The following GRID2 variants were observed in gnomAD, a reference collection of about 807,000 sequenced individuals.
GRID2 encodes glutamate receptor ionotropic, delta-2.
A neutral mutation model predicts 114.8 loss-of-function variants in GRID2; 33 were observed. That is an observed-to-expected ratio of 0.29 (90% confidence interval 0.22 to 0.38). GRID2 has a LOEUF of 0.38. Ranked by LOEUF, GRID2 falls within the 10% of genes least tolerant of loss-of-function variation. GRID2 has a pLI of 1.00. For missense variants in GRID2, 1,184 were observed against 1,257.7 expected (o/e 0.94, Z 0.89); for synonymous variants, 505 against 449.9 (o/e 1.12, Z -1.55).
intron 14 of GRID2, among the ~76,000 whole-genome samples, chr4:93,693,839 C>T (rs570984323): frequency 6.6e-6 from 1 of 152,238 alleles, no homozygotes; most frequent in Admixed American, 6.5e-5. Flanking sequence ...TAATTATTTA[C>T]TGTAAAGCAA....
chr4:92,947,349 G>A (rs982484392), intron 2 of GRID2, among the ~76,000 whole-genome samples: 1 of 151,946 alleles, frequency 6.6e-6, no homozygotes, highest in Non-Finnish European at 1.5e-5. Context: ...TTTATTAAAT[G>A]TGCTATGTTT....
At chr4:92,883,876 G>A (rs1174572667) in intron 2 of GRID2, among the ~76,000 whole-genome samples, 1 of 152,150 alleles carries the variant, frequency 6.6e-6, no homozygotes. Context: ...TAAATTTACT[G>A]GATCCAGGAT....
chr4:93,459,581 C>T (rs1231599634), intron 11 of GRID2, among the ~76,000 whole-genome samples: 1 of 152,074 alleles, frequency 6.6e-6, no homozygotes, highest in African/African-American at 2.4e-5. Context: ...AGGTGACATA[C>T]CTAGATATAA....
At chr4:92,432,244 T>G (rs1732497138) in intron 1 of GRID2, among the ~76,000 whole-genome samples, 1 of 152,154 alleles carries the variant, frequency 6.6e-6, no homozygotes, top group Admixed American at 6.6e-5. Flanking sequence ...GACCACTGCC[T>G]GGCTACTACT....
At chr4:93,702,260 A>C (rs10516941) in intron 14 of GRID2, among the ~76,000 whole-genome samples, 6,404 of 152,222 alleles carry the variant, frequency 0.042, 218 homozygotes, top group African/African-American at 0.084. Context: ...ATTCTGCATT[A>C]AGTCCTTCTG....
intron 2 of GRID2, among the ~76,000 whole-genome samples, chr4:92,948,060 A>G (rs926035628): frequency 6.6e-6 from 1 of 151,884 alleles, no homozygotes; most frequent in African/African-American, 2.4e-5. Flanking sequence ...TAAGAGGGAA[A>G]TTGCCAAGTT....
intron 8 of GRID2, among the ~76,000 whole-genome samples, chr4:93,324,906 G>A (rs1449424389): frequency 6.6e-6 from 1 of 151,920 alleles, no homozygotes; most frequent in Non-Finnish European, 1.5e-5. Context: ...TTTTTATTGT[G>A]TCTATTTGAT....
chr4:92,371,480 T>C (rs2110219097), intron 1 of GRID2, among the ~76,000 whole-genome samples: 1 of 152,242 alleles, frequency 6.6e-6, no homozygotes, highest in African/African-American at 2.4e-5. Flanking sequence ...TTAAGAATTA[T>C]GGTAAAATCT....
chr4:93,109,474 C>G (rs1732567116), intron 3 of GRID2, among the ~76,000 whole-genome samples: 1 of 152,090 alleles, frequency 6.6e-6, no homozygotes, highest in Admixed American at 6.6e-5. Flanking sequence ...AATGTAGTTT[C>G]TAAATTTTTG....
At chr4:93,155,330 G>A (rs887471613) in intron 4 of GRID2, among the ~76,000 whole-genome samples, 1 of 151,782 alleles carries the variant, frequency 6.6e-6, no homozygotes, top group Non-Finnish European at 1.5e-5. Context: ...CTATTGCTCT[G>A]CACAGAAGGC....
chr4:93,139,654 C>T (rs1483262665), intron 4 of GRID2, among the ~76,000 whole-genome samples: 2 of 152,004 alleles, frequency 1.3e-5, no homozygotes, highest in African/African-American at 4.8e-5. Flanking sequence ...AGACTTTTCC[C>T]TTACCCTTCC....
At chr4:92,556,767 G>A (rs78739576) in intron 1 of GRID2, among the ~76,000 whole-genome samples, 2,865 of 152,186 alleles carry the variant, frequency 0.019, 40 homozygotes, top group Middle Eastern at 0.037. Flanking sequence ...CCACAGAGTA[G>A]TTTACAACAT....
chr4:92,740,961 G>T (rs1736869332), intron 2 of GRID2, among the ~76,000 whole-genome samples: 1 of 151,918 alleles, frequency 6.6e-6, no homozygotes, highest in South Asian at 2.1e-4. Flanking sequence ...ACCATGTTGG[G>T]CAGGCTGGTC....
chr4:93,161,633 C>T (rs745365367), intron 4 of GRID2, among the ~76,000 whole-genome samples: 109 of 151,782 alleles, frequency 7.2e-4, no homozygotes, highest in Admixed American at 4.5e-3. Flanking sequence ...GATTAAGCAC[C>T]AGACTCAACA....
intron 8 of GRID2, among the ~76,000 whole-genome samples, chr4:93,295,611 G>GCTC (rs1051535895): frequency 1.3e-5 from 2 of 150,720 alleles, no homozygotes; most frequent in Non-Finnish European, 3.0e-5. Context: ...TCCTCTCCCC[G>GCTC]CTCCTCCTCC....
intron 2 of GRID2, among the ~76,000 whole-genome samples, chr4:92,716,834 T>G (rs1735575576): frequency 6.6e-6 from 1 of 152,166 alleles, no homozygotes; most frequent in Non-Finnish European, 1.5e-5. Flanking sequence ...TCCTGGAGAT[T>G]TTTCATTGAG....
intron 2 of GRID2, among the ~76,000 whole-genome samples, chr4:92,807,411 T>C (rs547454984): frequency 6.6e-6 from 1 of 152,124 alleles, no homozygotes; most frequent in South Asian, 2.1e-4. Context: ...TCTGTGTGCA[T>C]ATTTTAAATG....
chr4:92,824,581 CT>C (rs953448194), intron 2 of GRID2, among the ~76,000 whole-genome samples: 2 of 151,192 alleles, frequency 1.3e-5, no homozygotes, highest in African/African-American at 4.9e-5. Flanking sequence ...ATTAATTGCT[CT>C]TTTAAAAAAC....
chr4:92,958,123 ACC>A (rs1752542794), intron 2 of GRID2, among the ~76,000 whole-genome samples: 1 of 152,028 alleles, frequency 6.6e-6, no homozygotes, highest in African/African-American at 2.4e-5. Flanking sequence ...ATTCTTCTAC[ACC>A]AGTAAGTATA....
Sources: gnomAD v4.1 joint callset for allele counts (sites outside exome capture counted in the v4.1 genomes callset) on GRCh38, gnomAD v4.1.1 for gene constraint, MANE v1.5 for transcripts, NCBI Gene and HGNC (gene_info 2026-07-23, HGNC 2026-07-21) for gene names.